UTS2: variants seen among roughly 807,000 people sequenced by gnomAD.
UTS2 encodes urotensin 2.
UTS2 carries 10 observed loss-of-function variants against 12.6 expected under a neutral mutation model. That is an observed-to-expected ratio of 0.80 (90% CI 0.49 to 1.35). The LOEUF (loss-of-function observed/expected upper bound fraction) is 1.35. Among genes scored for constraint, UTS2 ranks in the 40% most tolerant of loss-of-function variants. UTS2 has a pLI of 0.00. For synonymous variants in UTS2, 52 were observed against 50.0 expected (o/e 1.04, Z -0.17); for missense variants, 142 against 143.2 (o/e 0.99, Z 0.04).
At chr1:7,885,100 C>T in the UTS2 span, among the ~76,000 whole-genome samples, 1 of 149,952 alleles carries the variant, frequency 6.7e-6, no homozygotes, top group Non-Finnish European at 1.5e-5. Context: ...ACCCATCATC[C>T]ATGCATCCAT....
chr1:7,850,705 C>A, intron 2 of UTS2, 107 bp downstream of exon 2: 1 of 1,145,270 alleles, frequency 8.7e-7, no homozygotes, highest in Non-Finnish European at 1.3e-6. Flanking sequence ...TTTTATATAG[C>A]TCATCTTTAT....
At chr1:7,907,111 C>G in the UTS2 span, among the ~76,000 whole-genome samples, 6 of 151,972 alleles carry the variant, frequency 3.9e-5, no homozygotes, top group Non-Finnish European at 1.5e-5. Flanking sequence ...AAAAAATTAG[C>G]CAGGTGTGGT....
At chr1:7,905,488 G>A in the UTS2 span, among the ~76,000 whole-genome samples, 1 of 147,704 alleles carries the variant, frequency 6.8e-6, no homozygotes, top group Admixed American at 6.8e-5. Flanking sequence ...TGCGGTTTTT[G>A]CCATTAAAAC....
chr1:7,876,043 A>C, the UTS2 span, among the ~76,000 whole-genome samples: 1 of 152,186 alleles, frequency 6.6e-6, no homozygotes, highest in African/African-American at 2.4e-5. Flanking sequence ...GTGCCTGTGC[A>C]TACCATTTGA....
At chr1:7,887,235 G>A in the UTS2 span, among the ~76,000 whole-genome samples, 6 of 151,892 alleles carry the variant, frequency 4.0e-5, no homozygotes, top group East Asian at 7.8e-4. Flanking sequence ...GATGGCATTA[G>A]GGTTGGAGCG....
chr1:7,853,164 A>G (rs1247334510), upstream of UTS2: 1 of 1,495,772 alleles, frequency 6.7e-7, no homozygotes, highest in Non-Finnish European at 8.9e-7. Context: ...TATGGAGGCT[A>G]AAAGGCAATC....
chr1:7,862,990 G>GTTGTA, the UTS2 span, among the ~76,000 whole-genome samples: 1 of 41,380 alleles, frequency 2.4e-5, no homozygotes. Context: ...ATTGTGTTGT[G>GTTGTA]TTGTATTGTA....
At chr1:7,888,087 T>G in the UTS2 span, among the ~76,000 whole-genome samples, 3 of 152,192 alleles carry the variant, frequency 2.0e-5, no homozygotes, top group Admixed American at 6.5e-5. Context: ...GTTGAACACT[T>G]GCTTCTCTCC....
the UTS2 span, among the ~76,000 whole-genome samples, chr1:7,880,198 C>G: frequency 6.6e-6 from 1 of 152,198 alleles, no homozygotes; most frequent in South Asian, 2.1e-4. Flanking sequence ...GTCAAGGTTG[C>G]AGTGAGCTGT....
At chr1:7,887,869 T>G in the UTS2 span, among the ~76,000 whole-genome samples, 1 of 152,182 alleles carries the variant, frequency 6.6e-6, no homozygotes, top group Non-Finnish European at 1.5e-5. Flanking sequence ...TGAACAGTTT[T>G]TAAAACGAAG....
At chr1:7,888,910 C>A in the UTS2 span, among the ~76,000 whole-genome samples, 1 of 152,146 alleles carries the variant, frequency 6.6e-6, no homozygotes, top group Admixed American at 6.5e-5. Context: ...CTCCAACCAA[C>A]TATGGGCTCT....
the UTS2 span, among the ~76,000 whole-genome samples, chr1:7,890,932 A>C: frequency 6.7e-6 from 1 of 148,894 alleles, no homozygotes; most frequent in African/African-American, 2.5e-5. Context: ...ACTCACATAC[A>C]TGTGTTCATC....
At chr1:7,902,851 G>A in the UTS2 span, among the ~76,000 whole-genome samples, 10 of 152,152 alleles carry the variant, frequency 6.6e-5, no homozygotes, top group African/African-American at 2.2e-4. Flanking sequence ...TGAAGAAGAG[G>A]CCTAAATTAG....
chr1:7,884,347 G>A, the UTS2 span, among the ~76,000 whole-genome samples: 2 of 149,652 alleles, frequency 1.3e-5, no homozygotes, highest in African/African-American at 2.5e-5. Context: ...TGTTGCCTAG[G>A]CTGGAGTGCA....
the UTS2 span, among the ~76,000 whole-genome samples, chr1:7,904,291 C>T: frequency 6.7e-6 from 1 of 148,364 alleles, no homozygotes; most frequent in Non-Finnish European, 1.5e-5. Context: ...CACAATGGGA[C>T]CAGGTCTCTA....
At chr1:7,864,611 C>T in the UTS2 span, among the ~76,000 whole-genome samples, 5,230 of 152,270 alleles carry the variant, frequency 0.034, 254 homozygotes, top group African/African-American at 0.11. Flanking sequence ...AGACTTTGTC[C>T]CAGACCATTG....
At chr1:7,869,154 T>C in the UTS2 span, among the ~76,000 whole-genome samples, 1 of 152,234 alleles carries the variant, frequency 6.6e-6, no homozygotes, top group East Asian at 1.9e-4. Context: ...TGGCAGAGGC[T>C]GCCCAAGGTG....
the UTS2 span, among the ~76,000 whole-genome samples, chr1:7,890,389 G>C: frequency 2.0e-5 from 3 of 152,198 alleles, no homozygotes; most frequent in African/African-American, 7.2e-5. Context: ...TGGACAGAGG[G>C]AAGCAAATAC....
chr1:7,847,823 G>A lies in UTS2; in HGVS notation c.318C>T (p.Ile106=), dbSNP rs777958368. ...NILLSHLLAR[I]WKPYKKRETP... ...TCTCACGTTTCTTGTATGGTTTCCA[G>A]ATTCTGGCCAAAAGATGACTCAGTA... The change falls in exon 4 of 4, where the codon ATC becomes ATT. Residue 106 remains isoleucine, a synonymous_variant. Transcript: ENST00000361696. 1.3e-5 allele frequency: 21 copies of A among 1,613,800 alleles called. No individual in the cohort carries two copies. Among genetic ancestry groups the A allele is most frequent in the South Asian group, 4.4e-5 (4 of 91,066 alleles).
Sources: allele counts gnomAD v4.1 joint callset (sites outside exome capture counted in the v4.1 genomes callset), GRCh38; gene constraint gnomAD v4.1.1; transcripts MANE v1.5; gene names NCBI Gene and HGNC (gene_info 2026-07-23, HGNC 2026-07-21).